TM4SF5: variants seen among roughly 807,000 people sequenced by gnomAD.
TM4SF5 encodes the protein transmembrane 4 L6 family member 5.
In TM4SF5, 16 loss-of-function variants were observed where a neutral mutation model predicts 22.3. The observed-to-expected ratio is 0.72, with a 90% CI of 0.49 to 1.09. The LOEUF (loss-of-function observed/expected upper bound fraction) is 1.09, where lower values mean the gene tolerates loss of function less well. Among genes scored for constraint, TM4SF5 ranks in the 50% least tolerant of loss-of-function variants. The pLI is 0.00. For missense variants in TM4SF5, 249 were observed against 266.1 expected (o/e 0.94, Z 0.45); for synonymous variants, 113 against 109.6 (o/e 1.03, Z -0.19).
At chr17:4,775,202 G>A (rs965367173) in intron 1 of TM4SF5, among the ~76,000 whole-genome samples, 1 of 152,028 alleles carries the variant, frequency 6.6e-6, no homozygotes, top group Non-Finnish European at 1.5e-5. Flanking sequence ...ACCCTGAAAA[G>A]CCACAGTGGA....
At chr17:4,779,118 A>G (rs2150647015) in intron 1 of TM4SF5, among the ~76,000 whole-genome samples, 1 of 151,734 alleles carries the variant, frequency 6.6e-6, no homozygotes, top group African/African-American at 2.4e-5. Context: ...ACCCTAAAGG[A>G]TTTGAGCAGA....
At position 4,776,539 on chromosome 17, in the gene TM4SF5, T is replaced by C. The variant is rs1005926325; in HGVS notation, c.178-4250T>C. 5.3e-5 allele frequency among the ~76,000 whole-genome samples: 8 copies of C among 152,308 alleles called. 1 individual carries two copies. The Middle Eastern group carries it at 0.014, about 259-fold the overall frequency. ...CTGGTTTTGAACTCCCAACCTTAGG[T>C]GATCCGCCTGCCTCGGCCTCCCAGA... On this transcript the variant is annotated intron_variant, in intron 1 of 4. Transcript: ENST00000270560.
At position 4,771,895 on chromosome 17, in the gene TM4SF5, C is replaced by G; in HGVS notation, c.-28C>G. The G allele has an allele frequency of 6.2e-7, 1 of 1,613,282 alleles. No individual in the cohort carries two copies. The highest frequency in any genetic ancestry group is 8.5e-7 in the Non-Finnish European group (1 of 1,179,434). ...TGGGAACCACTGGCTTACTTTCACTCACCGCCTGTCCTTCCTGACACCTCA... is the reference window on the plus strand; with the variant it reads ...TGGGAACCACTGGCTTACTTTCACTGACCGCCTGTCCTTCCTGACACCTCA... On this transcript the variant is annotated 5_prime_UTR_variant, in exon 1 of 5. Coordinates refer to ENST00000270560, the MANE Select transcript of TM4SF5 (RefSeq NM_003963.3).
In TM4SF5 at chr17:4,780,879, A is replaced by T. The variant is rs1917292200; in HGVS notation, c.258+10A>T. The T allele has an allele frequency of 6.2e-7, 1 of 1,611,494 alleles. No homozygotes were observed. Among genetic ancestry groups the T allele is most frequent in the East Asian group, 2.2e-5 (1 of 44,752 alleles). On this transcript the variant is annotated intron_variant, in intron 2 of 4. Coordinates refer to ENST00000270560, the MANE Select transcript of TM4SF5 (RefSeq NM_003963.3). ...TGGAAACCGCTGCAGGGTAAGATCC[A>T]GATTAAGAAGGAATTCAGGGCTGGG...
At chr17:4,782,760 C>A (rs771398660) in intron 3 of TM4SF5, 94 bp from the exon 4 acceptor site, 844 of 1,570,582 alleles carry the variant, frequency 5.4e-4, no homozygotes, top group Non-Finnish European at 6.9e-4. Flanking sequence ...CGTGGGCTAC[C>A]TGGGCCTTAG....
chr17:4,779,055 C>CAAA (rs1297196059), intron 1 of TM4SF5, among the ~76,000 whole-genome samples: 3 of 54,724 alleles, frequency 5.5e-5, no homozygotes, highest in East Asian at 6.0e-4. Flanking sequence ...GACTCCGTCT[C>CAAA]AAAAAAAAAA....
rs1917119704 is a variant in TM4SF5, at chr17:4,772,074, G to A, written c.152G>A (p.Gly51Asp). 1.9e-6 allele frequency: 3 copies of A among 1,614,228 alleles called. No individual in the cohort carries two copies. In the African/African-American group the frequency reaches 4.0e-5, roughly 22 times the overall value. Reference sequence around the variant, plus strand: ...CTCAGCTTGCAAGTCTGGCTCATGGGCGGCTTCATTGGCGGGGGCCTAATG... The same window carrying A: ...CTCAGCTTGCAAGTCTGGCTCATGGACGGCTTCATTGGCGGGGGCCTAATG... Reference protein sequence around the residue: ...NHLSLQVWLMGGFIGGGLMVL... With the variant: ...NHLSLQVWLMDGFIGGGLMVL... The change falls in exon 1 of 5, where the codon GGC becomes GAC. Residue 51 changes from glycine (G) to aspartate (D), a missense_variant. Physicochemically the swap from Gly to Asp is moderately conservative, Grantham distance 94. Coordinates refer to ENST00000270560, the MANE Select transcript of TM4SF5 (RefSeq NM_003963.3).
rs1917345496 is a variant in TM4SF5 at position 4,782,980 on chromosome 17, G to T, written c.522G>T (p.Gly174=). The T allele has an allele frequency of 6.2e-7, 1 of 1,614,250 alleles. No individual in the cohort carries two copies. The highest frequency in any genetic ancestry group is 1.6e-4 in the Middle Eastern group (1 of 6,062). Residue 174 remains glycine, a synonymous_variant, in exon 4 of 5, where the codon GGG becomes GGT. Coordinates refer to ENST00000270560, the MANE Select transcript of TM4SF5 (RefSeq NM_003963.3). ...CCTGCCTGGAGATAGTACTGTGTGGGATCCAGCTGGTGAACGCGACCATTG... is the reference window on the plus strand; with the variant it reads ...CCTGCCTGGAGATAGTACTGTGTGGTATCCAGCTGGTGAACGCGACCATTG... ...AASCLEIVLC[G]IQLVNATIGV...
intron 2 of TM4SF5, among the ~76,000 whole-genome samples, chr17:4,781,766 T>G (rs968704871): frequency 1.3e-5 from 2 of 151,962 alleles, no homozygotes; most frequent in African/African-American, 4.8e-5. Context: ...CTGCCCCCCT[T>G]GGCCTCCCAA....
chr17:4,773,052 G>A (rs962039368), intron 1 of TM4SF5, among the ~76,000 whole-genome samples: 3 of 151,958 alleles, frequency 2.0e-5, no homozygotes, highest in Non-Finnish European at 4.4e-5. Context: ...TTACGGTCAC[G>A]TGCCACCACA....
At chr17:4,780,242 T>A (rs943483437) in intron 1 of TM4SF5, among the ~76,000 whole-genome samples, 15 of 151,364 alleles carry the variant, frequency 9.9e-5, no homozygotes, top group Non-Finnish European at 2.9e-5. Context: ...TTTAGCAGAG[T>A]TGGGGTTTCT....
At chr17:4,779,870 G>A (rs1171408760) in intron 1 of TM4SF5, among the ~76,000 whole-genome samples, 1 of 152,054 alleles carries the variant, frequency 6.6e-6, no homozygotes, top group Non-Finnish European at 1.5e-5. Flanking sequence ...GGCATTGTTA[G>A]GAAAGCCACA....
chr17:4,773,568 C>G (rs780032748), intron 1 of TM4SF5, among the ~76,000 whole-genome samples: 1 of 152,112 alleles, frequency 6.6e-6, no homozygotes, highest in Non-Finnish European at 1.5e-5. Context: ...GCTGGTCACA[C>G]CTCGCTGGTC....
chr17:4,777,661 G>C (rs932751472), intron 1 of TM4SF5, among the ~76,000 whole-genome samples: 2 of 152,072 alleles, frequency 1.3e-5, no homozygotes, highest in African/African-American at 4.8e-5. Flanking sequence ...GAAGCAGGCT[G>C]ATCAGCTGAG....
At position 4,782,932 on chromosome 17, in the gene TM4SF5, C is replaced by A. The variant is rs1449569642; in HGVS notation, c.474C>A (p.Leu158=). ...GCGTGGTCCCCTGGAATGTGACGCT[C>A]TTCTCGCTGCTGGTGGCCGCCTCCT... The part of the protein sequence containing the change: ...PPRVVPWNVT[L]FSLLVAASCL... Residue 158 remains leucine (L), a synonymous_variant, in exon 4 of 5, where the codon CTC becomes CTA. Coordinates refer to ENST00000270560, the MANE Select transcript of TM4SF5 (RefSeq NM_003963.3). The A allele has an allele frequency of 1.2e-6, 2 of 1,614,146 alleles. No homozygotes were observed. Among genetic ancestry groups the A allele is most frequent in the African/African-American group, 1.3e-5 (1 of 74,960 alleles).
chr17:4,774,366 T>C (rs1474505358), intron 1 of TM4SF5, among the ~76,000 whole-genome samples: 1 of 152,146 alleles, frequency 6.6e-6, no homozygotes, highest in Non-Finnish European at 1.5e-5. Context: ...GCCTGCTTTG[T>C]TGGCCACTAT....
chr17:4,776,533 C>T (rs1347454986), intron 1 of TM4SF5, among the ~76,000 whole-genome samples: 1 of 152,136 alleles, frequency 6.6e-6, no homozygotes, highest in African/African-American at 2.4e-5. Flanking sequence ...AACTCCCAAC[C>T]TTAGGTGATC....
In TM4SF5 at chr17:4,772,068, T is replaced by G. The variant is rs1459327405; in HGVS notation, c.146T>G (p.Leu49Arg). The change falls in exon 1 of 5, where the codon CTC (leucine) becomes CGC (arginine). Residue 49 changes from leucine to arginine, a missense_variant. Leu to Arg is a moderately radical substitution (Grantham distance 102, BLOSUM62 -2). Coordinates refer to ENST00000270560, the MANE Select transcript of TM4SF5 (RefSeq NM_003963.3). ...AACCATCTCAGCTTGCAAGTCTGGC[T>G]CATGGGCGGCTTCATTGGCGGGGGC... ...NTNHLSLQVW[L>R]MGGFIGGGLM... The G allele has an allele frequency of 6.2e-7, 1 of 1,614,182 alleles. No homozygotes were observed. Among genetic ancestry groups the G allele is most frequent in the South Asian group, 1.1e-5 (1 of 91,086 alleles).
At chr17:4,776,304 CT>C (rs1379302609) in intron 1 of TM4SF5, among the ~76,000 whole-genome samples, 2 of 150,660 alleles carry the variant, frequency 1.3e-5, no homozygotes, top group Non-Finnish European at 2.9e-5. Context: ...TGCTTTTTTG[CT>C]TTTTTGTTTT....
Sources: allele counts gnomAD v4.1 joint callset (sites outside exome capture counted in the v4.1 genomes callset), GRCh38; gene constraint gnomAD v4.1.1; transcripts MANE v1.5; gene names NCBI Gene and HGNC (gene_info 2026-07-23, HGNC 2026-07-21).